The following PHLDB2 variants were observed in gnomAD, a reference collection of about 807,000 sequenced individuals.
PHLDB2 encodes the protein pleckstrin homology-like domain family B member 2.
Under a neutral mutation model 123.6 loss-of-function variants are expected in PHLDB2, and 71 were observed. The ratio of observed to expected loss-of-function variants is 0.57; its 90% CI spans 0.47 to 0.70. The LOEUF is 0.70. Among genes scored for constraint, PHLDB2 ranks in the 30% least tolerant of loss-of-function variants. The pLI is 0.00. For missense variants in PHLDB2, 1,446 were observed against 1,519.5 expected, an observed-to-expected ratio of 0.95 and a Z score of 0.80; for synonymous variants, 547 against 541.6, an observed-to-expected ratio of 1.01 and a Z score of -0.14.
chr3:111,931,892 T>G (rs2069170786), intron 5 of PHLDB2, among the ~76,000 whole-genome samples: 1 of 152,228 alleles, frequency 6.6e-6, no homozygotes, highest in Admixed American at 6.5e-5. Context: ...TGTCTGTTTC[T>G]CTGACAGGTG....
chr3:111,875,711 T>G (rs1385164819), intron 1 of PHLDB2, among the ~76,000 whole-genome samples: 1 of 150,762 alleles, frequency 6.6e-6, no homozygotes, highest in African/African-American at 2.4e-5. Context: ...TAATCCTAGC[T>G]ACTGGGGAGG....
At chr3:111,742,750 G>C (rs1237634741) in intron 1 of PHLDB2, among the ~76,000 whole-genome samples, 1 of 152,148 alleles carries the variant, frequency 6.6e-6, no homozygotes, top group Admixed American at 6.5e-5. Context: ...TTGCTCTTGT[G>C]AGTAGTGCTG....
chr3:111,944,200 G>A (rs1340759955), intron 8 of PHLDB2, among the ~76,000 whole-genome samples: 2 of 152,168 alleles, frequency 1.3e-5, no homozygotes, highest in Admixed American at 6.5e-5. Flanking sequence ...CTAGTGTTAA[G>A]GCCGTGGAAA....
chr3:111,789,390 G>A (rs886523239), intron 1 of PHLDB2, among the ~76,000 whole-genome samples: 4 of 152,138 alleles, frequency 2.6e-5, no homozygotes, highest in African/African-American at 4.8e-5. Flanking sequence ...TTACATAATT[G>A]GCAGATATCT....
Position 111,884,974 on chromosome 3 carries a change from C to T in PHLDB2, c.897C>T (p.Asp299=). 2 of 1,614,098 alleles carry T rather than the reference C, an allele frequency of 1.2e-6. No homozygotes were observed. Among genetic ancestry groups the T allele is most frequent in the Non-Finnish European group, 1.7e-6 (2 of 1,179,998 alleles). Residue 299 remains aspartate, a synonymous_variant, in exon 2 of 18, where the codon GAC becomes GAT. Transcript: ENST00000431670. ...KDLPHSVIDN[D]NYLNFSSLSS... ...TACCTCATAGCGTAATAGACAATGACAATTACCTTAATTTTTCTTCTTTGA... is the reference window on the plus strand; with the variant it reads ...TACCTCATAGCGTAATAGACAATGATAATTACCTTAATTTTTCTTCTTTGA...
chr3:111,756,076 A>G (rs1339836571), intron 1 of PHLDB2, among the ~76,000 whole-genome samples: 4 of 152,058 alleles, frequency 2.6e-5, no homozygotes, highest in Admixed American at 6.6e-5. Context: ...ACTTCCAACT[A>G]TGTGGTCAAT....
intron 3 of PHLDB2, among the ~76,000 whole-genome samples, chr3:111,918,098 G>T (rs1017531195): frequency 6.6e-6 from 1 of 152,156 alleles, no homozygotes; most frequent in Non-Finnish European, 1.5e-5. Context: ...TCTACCAGGT[G>T]ATATCCAAGA....
At chr3:111,755,442 G>A (rs1274236646) in intron 1 of PHLDB2, among the ~76,000 whole-genome samples, 1 of 136,842 alleles carries the variant, frequency 7.3e-6, no homozygotes, top group Non-Finnish European at 1.6e-5. Context: ...TTTGCGTAGA[G>A]GTGTTTGTAG....
chr3:111,753,830 G>A (rs1479582585), intron 1 of PHLDB2, among the ~76,000 whole-genome samples: 1 of 152,128 alleles, frequency 6.6e-6, no homozygotes, highest in Non-Finnish European at 1.5e-5. Flanking sequence ...TTTTGTATAT[G>A]GTGTAAGGAA....
At chr3:111,945,143 T>C (rs1447743665) in intron 8 of PHLDB2, 125 bp from the exon 9 acceptor site, 1 of 685,644 alleles carries the variant, frequency 1.5e-6, no homozygotes, top group African/African-American at 1.8e-5. Context: ...CTGAGTATGA[T>C]GAGAGGAAAT....
At chr3:111,952,828 T>G (rs1239448170) in intron 11 of PHLDB2, 116 bp downstream of exon 11, 1 of 1,248,066 alleles carries the variant, frequency 8.0e-7, no homozygotes, top group Non-Finnish European at 1.1e-6. Flanking sequence ...TTACATTTAC[T>G]TGTTAGGCAG....
intron 1 of PHLDB2, among the ~76,000 whole-genome samples, chr3:111,748,583 G>T (rs909036027): frequency 6.6e-6 from 1 of 151,822 alleles, no homozygotes. Context: ...GTACAGTGGC[G>T]CGATCTCGGC....
intron 1 of PHLDB2, among the ~76,000 whole-genome samples, chr3:111,766,173 T>G (rs6790079): frequency 0.5 from 75,907 of 151,652 alleles, 19,545 homozygotes; most frequent in African/African-American, 0.62. Flanking sequence ...AGGCATGATG[T>G]CTTATGCCTG....
At chr3:111,958,244 CCCT>C in intron 12 of PHLDB2, 1 of 985,956 alleles carries the variant, frequency 1.0e-6, no homozygotes, top group Non-Finnish European at 1.2e-6. Context: ...TTGTCCTGTG[CCCT>C]CTTCTTCTGG....
Position 111,932,395 on chromosome 3 carries a change from A to G in PHLDB2, c.2128A>G (p.Arg710Gly). The G allele has an allele frequency of 6.5e-7, 1 of 1,547,060 alleles. No individual in the cohort carries two copies. Among genetic ancestry groups the G allele is most frequent in the Admixed American group, 2.0e-5 (1 of 50,066 alleles). The change falls in exon 6 of 18, where the codon AGG becomes GGG. Residue 710 changes from arginine (R) to glycine (G), a missense_variant and splice_region_variant. This residue lies in a region of PHLDB2 where 20 missense variants were observed against 41.6 expected (regional missense o/e 0.48). Coordinates refer to ENST00000431670, the MANE Select transcript of PHLDB2 (RefSeq NM_001134438.2). Reference sequence around the variant, plus strand: ...GGAACAGTTACAACAACAACTGAAGAGGGTCAGTAGCAAACAGGAATGCAC... The same window carrying G: ...GGAACAGTTACAACAACAACTGAAGGGGGTCAGTAGCAAACAGGAATGCAC... ...MREQLQQQLK[R>G]DADLLDVESK...
chr3:111,856,958 G>A (rs140425691), upstream of PHLDB2, among the ~76,000 whole-genome samples: 755 of 152,320 alleles, frequency 5.0e-3, 10 homozygotes, highest in African/African-American at 0.017. Flanking sequence ...CTTTTAAGTA[G>A]AGTGGTCAGA....
At chr3:111,737,688 CT>C (rs11433113) in intron 1 of PHLDB2, among the ~76,000 whole-genome samples, 9 of 149,756 alleles carry the variant, frequency 6.0e-5, no homozygotes, top group African/African-American at 9.8e-5. Context: ...CCCACAAAGT[CT>C]TTTTTTTTTC....
At position 111,892,923 on chromosome 3, in the gene PHLDB2, T is replaced by C. The variant is rs563833914; in HGVS notation, c.1335+7511T>C. 2.0e-3 allele frequency among the ~76,000 whole-genome samples: 303 copies of C among 152,364 alleles called. 1 individual carries two copies. The highest frequency in any genetic ancestry group is 2.5e-3 in the Non-Finnish European group (173 of 68,036). ...CTGAAACGTGGTCAGATGCAGATGC[T>C]ATTTTAAAGACCAGAAAATAAACAG... On this transcript the variant is annotated intron_variant, in intron 2 of 17. Coordinates refer to ENST00000431670, the MANE Select transcript of PHLDB2 (RefSeq NM_001134438.2).
At chr3:111,880,298 A>G (rs1216229533) in intron 1 of PHLDB2, among the ~76,000 whole-genome samples, 4 of 152,112 alleles carry the variant, frequency 2.6e-5, no homozygotes, top group African/African-American at 9.7e-5. Flanking sequence ...TAAAGGCAGA[A>G]TTAGAGATAT....
Sources: allele counts gnomAD v4.1 joint callset (sites outside exome capture counted in the v4.1 genomes callset), GRCh38; gene constraint gnomAD v4.1.1; regional missense constraint gnomAD v4.1.1; transcripts MANE v1.5; gene names NCBI Gene and HGNC (gene_info 2026-07-23, HGNC 2026-07-21).